The following KLF9 variants were observed in gnomAD, a reference collection of about 807,000 sequenced individuals.
KLF9 encodes KLF transcription factor 9.
In KLF9, 2 loss-of-function variants were observed where a neutral mutation model predicts 17.3. That is an observed-to-expected ratio of 0.12 (90% confidence interval 0.05 to 0.36). The LOEUF (loss-of-function observed/expected upper bound fraction) is 0.36, where lower values mean the gene tolerates loss of function less well. Among genes scored for constraint, KLF9 ranks in the 10% least tolerant of loss-of-function variants. The pLI is 1.00. For missense variants in KLF9, 226 were observed against 333.2 expected, an observed-to-expected ratio of 0.68 and a Z score of 2.51; for synonymous variants, 138 against 139.2, an observed-to-expected ratio of 0.99 and a Z score of 0.06.
In KLF9 at chr9:70,385,111, C is replaced by T. The variant is rs183380510; in HGVS notation, c.*2665G>A. 2.0e-5 allele frequency: 3 copies of T among 152,682 alleles called. No individual in the cohort carries two copies. In the East Asian group the frequency reaches 5.8e-4, roughly 29 times the overall value. 9.5% of individuals were successfully genotyped at this position (152,682 alleles called of 1,614,324 possible). ...CACCTGCAATAGTCTTTCAAAAATTCAGTTTGGTTAAAAAAGTAAACAAAA... is the reference window on the plus strand; with the variant it reads ...CACCTGCAATAGTCTTTCAAAAATTTAGTTTGGTTAAAAAAGTAAACAAAA... On this transcript the variant is annotated 3_prime_UTR_variant, in exon 2 of 2. Transcript: ENST00000377126.
chr9:70,401,168 CAAAAAAA>C (rs199648240), intron 1 of KLF9, among the ~76,000 whole-genome samples: 13,929 of 116,060 alleles, frequency 0.12, 773 homozygotes, highest in Middle Eastern at 0.18. Flanking sequence ...ATCCCATCTC[CAAAAAAA>C]AAAAAAAAAA....
chr9:70,405,563 C>G (rs531439288), intron 1 of KLF9, among the ~76,000 whole-genome samples: 4 of 152,144 alleles, frequency 2.6e-5, no homozygotes, highest in African/African-American at 9.7e-5. Context: ...TGGCTTAGAT[C>G]GTGAGCAAAC....
At chr9:70,389,025 C>G (rs2037134273) in intron 1 of KLF9, among the ~76,000 whole-genome samples, 1 of 152,022 alleles carries the variant, frequency 6.6e-6, no homozygotes, top group African/African-American at 2.4e-5. Context: ...CCTGTAGTCC[C>G]AGCTACTTGG....
chr9:70,408,100 G>A (rs1424885166), intron 1 of KLF9, among the ~76,000 whole-genome samples: 2 of 152,146 alleles, frequency 1.3e-5, no homozygotes, highest in Admixed American at 6.6e-5. Flanking sequence ...GAGGCCAGGC[G>A]CAGTGGCTCA....
In KLF9 at chr9:70,387,787, T is replaced by G; in HGVS notation, c.724A>C (p.Asn242His). ...CCACGGGCAGCACCTCACAAAGCGTTGGCCAGCGCCTTTTTCGATCGCTTG... is the reference window on the plus strand; with the variant it reads ...CCACGGGCAGCACCTCACAAAGCGTGGGCCAGCGCCTTTTTCGATCGCTTG... ...MIKRSKKALA[N>H]AL The change falls in exon 2 of 2, where the codon AAC becomes CAC. Residue 242 changes from asparagine (N) to histidine (H), a missense_variant. Asn to His is a moderately conservative substitution (Grantham distance 68). Transcript: ENST00000377126. The G allele has an allele frequency of 6.2e-7, 1 of 1,614,020 alleles. No homozygotes were observed. The highest frequency in any genetic ancestry group is 8.5e-7 in the Non-Finnish European group (1 of 1,179,990).
intron 1 of KLF9, among the ~76,000 whole-genome samples, chr9:70,405,325 T>C (rs1384020509): frequency 6.6e-6 from 1 of 152,214 alleles, no homozygotes; most frequent in Non-Finnish European, 1.5e-5. Flanking sequence ...CACCACTGAC[T>C]GCATTTCAAA....
intron 1 of KLF9, among the ~76,000 whole-genome samples, chr9:70,409,202 A>ATATATATGTATACATATACATGTATATG (rs2037292713): frequency 5.6e-5 from 5 of 89,360 alleles, no homozygotes; most frequent in Admixed American, 3.4e-4. Context: ...ATGTATATGT[A>ATATATATGTATACATATACATGTATATG]TATATATATA....
Position 70,387,926 on chromosome 9 carries a change from C to T in KLF9, c.585G>A (p.Arg195=), listed in dbSNP as rs2037125521. 1 of 1,613,962 alleles carries T rather than the reference C, an allele frequency of 6.2e-7. No individual in the cohort carries two copies. Among genetic ancestry groups the T allele is most frequent in the Non-Finnish European group, 8.5e-7 (1 of 1,180,048 alleles). The change falls in exon 2 of 2, where the codon CGG becomes CGA. Residue 195 remains arginine (R), a synonymous_variant. Transcript: ENST00000377126. ...GGAACTGCTTTTCCCCAGTGTGGGTCCGGTAGTGGCGGGTCAGCTCGTCTG... is the reference window on the plus strand; with the variant it reads ...GGAACTGCTTTTCCCCAGTGTGGGTTCGGTAGTGGCGGGTCAGCTCGTCTG... ...SRSDELTRHY[R]THTGEKQFRC...
At chr9:70,411,315 T>G (rs556523778) in intron 1 of KLF9, among the ~76,000 whole-genome samples, 1 of 152,264 alleles carries the variant, frequency 6.6e-6, no homozygotes, top group East Asian at 1.9e-4. Flanking sequence ...TCCGGGAACA[T>G]GGCTGACACA....
At chr9:70,406,641 A>C (rs936503854) in intron 1 of KLF9, among the ~76,000 whole-genome samples, 1 of 152,010 alleles carries the variant, frequency 6.6e-6, no homozygotes, top group Non-Finnish European at 1.5e-5. Flanking sequence ...CTTTTTAACC[A>C]TCTGTGGGGT....
chr9:70,391,798 A>G (rs2037154922), intron 1 of KLF9, among the ~76,000 whole-genome samples: 1 of 152,252 alleles, frequency 6.6e-6, no homozygotes. Context: ...TGGTTGAAAA[A>G]AATTAAAAGA....
chr9:70,390,605 C>A (rs1031334226), intron 1 of KLF9, among the ~76,000 whole-genome samples: 2 of 151,844 alleles, frequency 1.3e-5, no homozygotes, highest in Admixed American at 6.6e-5. Flanking sequence ...ACTCATGGTG[C>A]CAAGCATTTG....
intron 1 of KLF9, among the ~76,000 whole-genome samples, chr9:70,401,556 G>A (rs1287237046): frequency 5.3e-5 from 8 of 150,396 alleles, no homozygotes; most frequent in African/African-American, 1.5e-4. Flanking sequence ...GTGTGGTGGC[G>A]GGCACCTGTA....
Position 70,385,468 on chromosome 9 carries a change from T to C in KLF9, c.*2308A>G, listed in dbSNP as rs1244305315. ...CATTTTTTTAAAACAAGTTGCTGCATTTATATCCATCTAAGTGCTTGACAA... is the reference window on the plus strand; with the variant it reads ...CATTTTTTTAAAACAAGTTGCTGCACTTATATCCATCTAAGTGCTTGACAA... On this transcript the variant is annotated 3_prime_UTR_variant, in exon 2 of 2. Coordinates refer to ENST00000377126, the MANE Select transcript of KLF9 (RefSeq NM_001206.4). 1 of 152,680 alleles carries C rather than the reference T, an allele frequency of 6.5e-6. No individual in the cohort carries two copies. Among genetic ancestry groups the C allele is most frequent in the Non-Finnish European group, 1.5e-5 (1 of 68,050 alleles). The allele number at this position is 152,680 out of a possible 1,614,324, so 9.5% of individuals were successfully genotyped here. A position where few individuals can be genotyped will look rare whatever the true frequency, so the allele number is the denominator to read the frequency against.
Position 70,386,094 on chromosome 9 carries a change from G to A in KLF9, c.*1682C>T, listed in dbSNP as rs1802143952. The A allele has an allele frequency of 6.6e-6, 1 of 152,432 alleles. No individual in the cohort carries two copies. Among genetic ancestry groups the A allele is most frequent in the Non-Finnish European group, 1.5e-5 (1 of 68,014 alleles). The allele number at this position is 152,432 out of a possible 1,614,324, so 9.4% of individuals were successfully genotyped here. A position where few individuals can be genotyped will look rare whatever the true frequency, so the allele number is the denominator to read the frequency against. On this transcript the variant is annotated 3_prime_UTR_variant, in exon 2 of 2. Coordinates refer to ENST00000377126, the MANE Select transcript of KLF9 (RefSeq NM_001206.4). The stretch of plus-strand genomic sequence containing the variant: ...GCACCCTATGTTTACACATTTCAGA[G>A]CGCAAGTATAAACTAGAGTGCACCA...
intron 1 of KLF9, among the ~76,000 whole-genome samples, chr9:70,399,018 T>C (rs1024051917): frequency 6.6e-6 from 1 of 151,668 alleles, no homozygotes; most frequent in African/African-American, 2.4e-5. Flanking sequence ...ATTTTTTGTA[T>C]AGTCAGGGGT....
intron 1 of KLF9, among the ~76,000 whole-genome samples, chr9:70,407,665 T>C (rs1465849570): frequency 6.6e-6 from 1 of 152,230 alleles, no homozygotes; most frequent in Non-Finnish European, 1.5e-5. Context: ...ACCTTGTGAC[T>C]AGCAATAAGA....
chr9:70,395,667 G>C lies in KLF9; in HGVS notation c.506-7662C>G, dbSNP rs540170898. Among the ~76,000 whole-genome samples the C allele has an allele frequency of 2.1e-4, 32 of 152,320 alleles. No homozygotes were observed. The South Asian group carries it at 5.6e-3, about 27-fold the overall frequency. ...TTTATAAAGTAAGAAATACTGGCCA[G>C]ACGTGGTGGTTCATGCCTGTAATCT... On this transcript the variant is annotated intron_variant, in intron 1 of 1. Transcript: ENST00000377126.
At chr9:70,403,072 C>T (rs1359105632) in intron 1 of KLF9, among the ~76,000 whole-genome samples, 3 of 152,066 alleles carry the variant, frequency 2.0e-5, no homozygotes, top group Non-Finnish European at 4.4e-5. Flanking sequence ...ATGGCTTAAA[C>T]CAGGGAGGTG....
Sources: allele counts gnomAD v4.1 joint callset (sites outside exome capture counted in the v4.1 genomes callset), GRCh38; gene constraint gnomAD v4.1.1; transcripts MANE v1.5; gene names NCBI Gene and HGNC (gene_info 2026-07-23, HGNC 2026-07-21).